Variants in DHRS3 observed in about 807,000 individuals in gnomAD.
DHRS3 encodes short-chain dehydrogenase/reductase 3.
In DHRS3, 14 loss-of-function variants were observed where a neutral mutation model predicts 27.2. The ratio of observed to expected loss-of-function variants is 0.52; its 90% CI spans 0.34 to 0.81. The LOEUF (loss-of-function observed/expected upper bound fraction) is 0.81, where lower values mean the gene tolerates loss of function less well. DHRS3 is among the 30% of genes least tolerant of loss of function. DHRS3 has a pLI of 0.01. For synonymous variants in DHRS3, 165 were observed against 175.9 expected, an observed-to-expected ratio of 0.94 and a Z score of 0.49; for missense variants, 322 against 406.2, an observed-to-expected ratio of 0.79 and a Z score of 1.78.
At chr1:12,572,607 A>G in intron 5 of DHRS3, 121 bp downstream of exon 5, 3 of 1,444,336 alleles carry the variant, frequency 2.1e-6, no homozygotes, top group Non-Finnish European at 2.8e-6. Flanking sequence ...CCCCACAGTA[A>G]GTACAGTACA....
intron 1 of DHRS3, among the ~76,000 whole-genome samples, chr1:12,601,996 T>C (rs1646838776): frequency 6.6e-6 from 1 of 152,206 alleles, no homozygotes; most frequent in Admixed American, 6.5e-5. Flanking sequence ...GTATCTACTG[T>C]GGGCCAGATA....
Position 12,572,579 on chromosome 1 carries a change from C to CTCT in DHRS3, c.824+148_824+149insAGA, listed in dbSNP as rs1570352971. ...AAACTCTAAGGGGCCCCGTGACTAACAAGTTTGAGAACTGCTGCCCCACAG... is the reference window on the plus strand; with the variant it reads ...AAACTCTAAGGGGCCCCGTGACTAACTCTAAGTTTGAGAACTGCTGCCCCACAG... On this transcript the variant is annotated intron_variant, in intron 5 of 5. Transcript: ENST00000616661. 2.7e-5 allele frequency: 36 copies of CTCT among 1,312,208 alleles called. No individual in the cohort carries two copies. In the East Asian group the frequency reaches 9.8e-4, roughly 36 times the overall value. The allele number at this position is 1,312,208 out of a possible 1,614,324, so 81.3% of individuals were successfully genotyped here. A position where few individuals can be genotyped will look rare whatever the true frequency, so the allele number is the denominator to read the frequency against.
intron 1 of DHRS3, among the ~76,000 whole-genome samples, chr1:12,585,215 C>CTCTGTGAGTGTGTGTCTCTG (rs1646684580): frequency 1.6e-4 from 2 of 12,144 alleles, no homozygotes; most frequent in African/African-American, 2.9e-4. Context: ...CTGTGTATCT[C>CTCTGTGAGTGTGTGTCTCTG]TGTGTGTGTG....
chr1:12,579,562 G>A (rs962674954), intron 2 of DHRS3, 150 bp from the exon 3 acceptor site: 31 of 1,209,982 alleles, frequency 2.6e-5, no homozygotes, highest in Non-Finnish European at 3.0e-5. Context: ...TGCCACCTCC[G>A]CCTCCTGGGT....
intron 1 of DHRS3, among the ~76,000 whole-genome samples, chr1:12,613,954 C>G (rs61777485): frequency 0.011 from 1,683 of 151,956 alleles, 14 homozygotes; most frequent in Non-Finnish European, 0.016. Context: ...TATTTTTAGT[C>G]GAGATGGGGA....
At chr1:12,575,860 C>G (rs899015682) in intron 4 of DHRS3, among the ~76,000 whole-genome samples, 1 of 152,144 alleles carries the variant, frequency 6.6e-6, no homozygotes, top group Non-Finnish European at 1.5e-5. Context: ...GCACCCACCA[C>G]CATGCCTGGC....
At chr1:12,577,479 T>G (rs2100654223) in intron 4 of DHRS3, among the ~76,000 whole-genome samples, 2 of 152,282 alleles carry the variant, frequency 1.3e-5, no homozygotes, top group African/African-American at 4.8e-5. Flanking sequence ...CCGTTCCCCT[T>G]GACTTAACTG....
At chr1:12,581,289 A>C (rs1646641657) in intron 1 of DHRS3, among the ~76,000 whole-genome samples, 1 of 152,220 alleles carries the variant, frequency 6.6e-6, no homozygotes, top group Admixed American at 6.5e-5. Flanking sequence ...GTAAATGTAG[A>C]GGCAACAGCA....
intron 1 of DHRS3, among the ~76,000 whole-genome samples, chr1:12,589,625 A>C (rs1211945674): frequency 1.3e-5 from 2 of 152,086 alleles, no homozygotes; most frequent in Non-Finnish European, 2.9e-5. Flanking sequence ...GGTGTGAGCC[A>C]CCGTGCCCAG....
At chr1:12,598,326 GA>G (rs1646812487) in intron 1 of DHRS3, among the ~76,000 whole-genome samples, 1 of 152,080 alleles carries the variant, frequency 6.6e-6, no homozygotes, top group African/African-American at 2.4e-5. Flanking sequence ...AATAACCTGA[GA>G]TCGCACCAAT....
intron 1 of DHRS3, among the ~76,000 whole-genome samples, chr1:12,587,955 C>A (rs1384758192): frequency 6.6e-6 from 1 of 152,202 alleles, no homozygotes; most frequent in Non-Finnish European, 1.5e-5. Flanking sequence ...AGGGAGGGAG[C>A]CTGCCGGGGA....
At chr1:12,615,025 C>T (rs1646935195) in intron 1 of DHRS3, among the ~76,000 whole-genome samples, 1 of 152,188 alleles carries the variant, frequency 6.6e-6, no homozygotes, top group South Asian at 2.1e-4. Flanking sequence ...CCTTTGTTCC[C>T]AACCCCACTA....
chr1:12,573,652 T>C (rs573381099), intron 4 of DHRS3, among the ~76,000 whole-genome samples: 1 of 152,338 alleles, frequency 6.6e-6, no homozygotes, highest in South Asian at 2.1e-4. Flanking sequence ...GTTCACTAAC[T>C]CACTCACTGA....
At position 12,608,730 on chromosome 1, in the gene DHRS3, G is replaced by A. The variant is rs746490458; in HGVS notation, c.195+8424C>T. Reference sequence around the variant, plus strand: ...AAGAGCAACCTGTTCCAAAGGGCAGGAAGGTGTTCCTCTTGCAGGGCCCAG... The same window carrying A: ...AAGAGCAACCTGTTCCAAAGGGCAGAAAGGTGTTCCTCTTGCAGGGCCCAG... On this transcript the variant is annotated intron_variant, in intron 1 of 5. Coordinates refer to ENST00000616661, the MANE Select transcript of DHRS3 (RefSeq NM_004753.7). The surrounding 1 kb of genome is among the most constrained non-coding windows in gnomAD (Gnocchi z 4.1). Among the ~76,000 whole-genome samples the A allele has an allele frequency of 6.6e-5, 10 of 152,184 alleles. No homozygotes were observed. Among genetic ancestry groups the A allele is most frequent in the Non-Finnish European group, 1.2e-4 (8 of 68,040 alleles).
intron 5 of DHRS3, 122 bp from the exon 6 acceptor site, chr1:12,568,546 C>G (rs1396648495): frequency 2.3e-6 from 2 of 862,656 alleles, no homozygotes; most frequent in African/African-American, 3.4e-5. Flanking sequence ...GCTCCCCACA[C>G]CTCCAAGCCA....
At chr1:12,615,465 A>G (rs1646938647) in intron 1 of DHRS3, among the ~76,000 whole-genome samples, 1 of 152,144 alleles carries the variant, frequency 6.6e-6, no homozygotes, top group Non-Finnish European at 1.5e-5. Flanking sequence ...TCCACTCTGT[A>G]CTATCACACC....
At position 12,569,762 on chromosome 1, in the gene DHRS3, C is replaced by T. The variant is rs563568972; in HGVS notation, c.825-1338G>A. ...TGTATTTTTAGTAGAGACAGGGTTTCGCCATGTTGGCCAGGCTGGTCTTGA... is the reference window on the plus strand; with the variant it reads ...TGTATTTTTAGTAGAGACAGGGTTTTGCCATGTTGGCCAGGCTGGTCTTGA... On this transcript the variant is annotated intron_variant, in intron 5 of 5. Transcript: ENST00000616661. 2.4e-3 allele frequency among the ~76,000 whole-genome samples: 363 copies of T among 152,294 alleles called. 2 individuals carry two copies. The highest frequency in any genetic ancestry group is 2.8e-3 in the Non-Finnish European group (193 of 68,026).
In DHRS3 at chr1:12,579,362, C is replaced by T; in HGVS notation, c.390G>A (p.Lys130=). The T allele has an allele frequency of 1.9e-6, 3 of 1,614,230 alleles. No homozygotes were observed. Among genetic ancestry groups the T allele is most frequent in the Non-Finnish European group, 2.5e-6 (3 of 1,180,040 alleles). ...CATCATCATCACTGTCCATTAGGCT[C>T]TTCCCATGGACCACGGCGGCATTGT... ...LVNNAAVVHG[K]SLMDSDDDAL... The change falls in exon 3 of 6, where the codon AAG becomes AAA. Residue 130 remains lysine, a synonymous_variant. Transcript: ENST00000616661.
intron 1 of DHRS3, among the ~76,000 whole-genome samples, chr1:12,601,739 G>C (rs879782465): frequency 6.6e-6 from 1 of 152,148 alleles, no homozygotes; most frequent in Non-Finnish European, 1.5e-5. Flanking sequence ...CAGACACCCT[G>C]GGTTCCAATC....
Sources: allele counts gnomAD v4.1 joint callset (sites outside exome capture counted in the v4.1 genomes callset), GRCh38; gene constraint gnomAD v4.1.1; non-coding constraint Gnocchi (gnomAD v3.1); transcripts MANE v1.5; gene names NCBI Gene and HGNC (gene_info 2026-07-23, HGNC 2026-07-21).